Variants in TANC2 observed in about 807,000 individuals in gnomAD.
The protein encoded by TANC2 is tetratricopeptide repeat, ankyrin repeat and coiled-coil containing 2.
In TANC2, 26 loss-of-function variants were observed where a neutral mutation model predicts 210.5. That is an observed-to-expected ratio of 0.12 (90% confidence interval 0.09 to 0.17). The LOEUF is 0.17. TANC2 is among the 10% of genes least tolerant of loss of function. The pLI is 1.00. For missense variants in TANC2, 2,129 were observed against 2,608.9 expected, an observed-to-expected ratio of 0.82 and a Z score of 4.01; for synonymous variants, 931 against 967.1, an observed-to-expected ratio of 0.96 and a Z score of 0.69.
intron 7 of TANC2, among the ~76,000 whole-genome samples, chr17:63,204,748 A>G (rs995198128): frequency 6.6e-6 from 1 of 152,224 alleles, no homozygotes; most frequent in East Asian, 1.9e-4. Context: ...CCTGATTTCA[A>G]AACTTATTAC....
chr17:63,262,076 G>A (rs191187542), intron 8 of TANC2, among the ~76,000 whole-genome samples: 7 of 152,238 alleles, frequency 4.6e-5, no homozygotes, highest in Admixed American at 1.3e-4. Flanking sequence ...GAAAGGAGGC[G>A]AGAAAAAGAA....
chr17:63,340,055 T>C (rs778375999), intron 11 of TANC2, 46 bp from the exon 12 acceptor site: 2 of 1,388,232 alleles, frequency 1.4e-6, no homozygotes, highest in African/African-American at 2.8e-5. Flanking sequence ...TAGCTATTGC[T>C]CTTACTACTG....
chr17:63,223,606 A>G (rs1366957308), intron 7 of TANC2, among the ~76,000 whole-genome samples: 1 of 150,918 alleles, frequency 6.6e-6, no homozygotes, highest in Non-Finnish European at 1.5e-5. Flanking sequence ...ATATATATTT[A>G]AGGGACAGAG....
intron 4 of TANC2, among the ~76,000 whole-genome samples, chr17:63,134,697 A>G (rs1224585284): frequency 6.6e-6 from 1 of 152,220 alleles, no homozygotes; most frequent in Non-Finnish European, 1.5e-5. Context: ...AAGGAATCCA[A>G]GCTTGGAAAA....
chr17:63,059,561 T>G (rs2035921988), intron 2 of TANC2, among the ~76,000 whole-genome samples: 1 of 152,200 alleles, frequency 6.6e-6, no homozygotes, highest in Admixed American at 6.5e-5. Flanking sequence ...AGATTCCTCT[T>G]ATGTATCCTT....
At chr17:63,298,112 A>G (rs1016285428) in intron 9 of TANC2, among the ~76,000 whole-genome samples, 3 of 152,210 alleles carry the variant, frequency 2.0e-5, no homozygotes, top group African/African-American at 7.2e-5. Flanking sequence ...GTGGGAATGT[A>G]AAATAGTACA....
In TANC2 at chr17:63,106,472, A is replaced by G. The variant is rs530179588; in HGVS notation, c.322+7115A>G. 1.2e-4 allele frequency among the ~76,000 whole-genome samples: 18 copies of G among 151,696 alleles called. 1 individual carries two copies. Among genetic ancestry groups the G allele is most frequent in the African/African-American group, 4.4e-4 (18 of 40,988 alleles). ...TAAGGGGATTATTGCCGAACCAACT[A>G]AACAGTGCCTTGCTGAAGGCAAGCC... is the stretch of plus-strand genomic sequence containing the variant. On this transcript the variant is annotated intron_variant, in intron 4 of 27. Transcript: ENST00000689528.
At chr17:63,423,609 G>A (rs2049076126) in exon 28 of TANC2, 1 of 151,768 alleles carries the variant, frequency 6.6e-6, no homozygotes, top group Non-Finnish European at 1.5e-5. Flanking sequence ...CATGTGTCTG[G>A]TAAGTAAGTA....
chr17:63,105,978 T>A (rs910736031), intron 4 of TANC2, among the ~76,000 whole-genome samples: 1 of 151,670 alleles, frequency 6.6e-6, no homozygotes, highest in African/African-American at 2.4e-5. Context: ...TGAGGAAATA[T>A]ATACTAAGAC....
chr17:63,052,184 G>A (rs1403511312), intron 2 of TANC2, among the ~76,000 whole-genome samples: 1 of 152,154 alleles, frequency 6.6e-6, no homozygotes, highest in African/African-American at 2.4e-5. Flanking sequence ...TGCTTACTTT[G>A]TGCCAGATGT....
At chr17:63,402,101 A>G (rs889163386) in intron 19 of TANC2, among the ~76,000 whole-genome samples, 9 of 152,134 alleles carry the variant, frequency 5.9e-5, no homozygotes, top group African/African-American at 2.2e-4. Flanking sequence ...ACCAGTAATA[A>G]CCTCCAGTCT....
At chr17:63,205,344 C>CA (rs1158768609) in intron 7 of TANC2, among the ~76,000 whole-genome samples, 247 of 8,064 alleles carry the variant, frequency 0.031, 75 homozygotes, top group African/African-American at 0.034. Context: ...ACCAAGGAGG[C>CA]AAAAAAAAAA....
At chr17:63,304,044 C>T (rs1341987333) in intron 9 of TANC2, among the ~76,000 whole-genome samples, 1 of 152,054 alleles carries the variant, frequency 6.6e-6, no homozygotes, top group African/African-American at 2.4e-5. Flanking sequence ...GCTACTTTAG[C>T]TCAGCGGAGT....
At chr17:63,075,906 G>A (rs1262209876) in intron 3 of TANC2, among the ~76,000 whole-genome samples, 1 of 152,114 alleles carries the variant, frequency 6.6e-6, no homozygotes, top group East Asian at 1.9e-4. Flanking sequence ...AGTATAAAAC[G>A]TTTGTTACCT....
chr17:63,354,777 T>G lies in TANC2; in HGVS notation c.1975-6T>G, dbSNP rs774806978. The G allele has an allele frequency of 4.5e-6, 7 of 1,550,834 alleles. No homozygotes were observed. The highest frequency in any genetic ancestry group is 4.1e-5 in the African/African-American group (3 of 72,404). On this transcript the variant is annotated splice_polypyrimidine_tract_variant and splice_region_variant and intron_variant, in intron 13 of 27. Transcript: ENST00000689528. ...TCTGTCTCTTTCTCTCTCTCCATCTTTTTAGGAAATTACCAAGCTGCTGCC... is the reference window on the plus strand; with the variant it reads ...TCTGTCTCTTTCTCTCTCTCCATCTGTTTAGGAAATTACCAAGCTGCTGCC...
At chr17:63,008,436 C>T (rs1298849066) in intron 1 of TANC2, among the ~76,000 whole-genome samples, 1 of 152,072 alleles carries the variant, frequency 6.6e-6, no homozygotes, top group African/African-American at 2.4e-5. Flanking sequence ...TTCATGTTTG[C>T]TCTATTTAAT....
At chr17:63,024,481 G>A (rs999612442) in intron 2 of TANC2, among the ~76,000 whole-genome samples, 8 of 152,116 alleles carry the variant, frequency 5.3e-5, no homozygotes, top group Admixed American at 1.3e-4. Flanking sequence ...GGTTTGGGCC[G>A]GCATCTTTAC....
At chr17:63,025,028 AT>A (rs887045207) in intron 2 of TANC2, among the ~76,000 whole-genome samples, 3 of 151,976 alleles carry the variant, frequency 2.0e-5, no homozygotes, top group Non-Finnish European at 4.4e-5. Context: ...TTGCTCTTTG[AT>A]TTTTTTCTTG....
intron 14 of TANC2, among the ~76,000 whole-genome samples, chr17:63,368,940 A>T (rs147796378): frequency 2.0e-5 from 3 of 152,216 alleles, no homozygotes; most frequent in Non-Finnish European, 2.9e-5. Flanking sequence ...GGCAACTTAA[A>T]GTCCTTTTTG....
Sources: allele counts gnomAD v4.1 joint callset (sites outside exome capture counted in the v4.1 genomes callset), GRCh38; gene constraint gnomAD v4.1.1; transcripts MANE v1.5; gene names NCBI Gene and HGNC (gene_info 2026-07-23, HGNC 2026-07-21).